MOV10L1: variants seen among roughly 807,000 people sequenced by gnomAD.
The protein encoded by MOV10L1 is Mov10 like RNA helicase 1.
A neutral mutation model predicts 143.8 loss-of-function variants in MOV10L1; 110 were observed. The observed-to-expected ratio is 0.76, with a 90% CI of 0.66 to 0.90. The LOEUF (loss-of-function observed/expected upper bound fraction) is 0.90, where lower values mean the gene tolerates loss of function less well. Among genes scored for constraint, MOV10L1 ranks in the 40% least tolerant of loss-of-function variants. MOV10L1 has a pLI of 0.00. For missense variants in MOV10L1, 1,406 were observed against 1,526.8 expected, an observed-to-expected ratio of 0.92 and a Z score of 1.32; for synonymous variants, 593 against 581.1, an observed-to-expected ratio of 1.02 and a Z score of -0.29.
At chr22:50,116,504 A>C (rs1343461994) in intron 8 of MOV10L1, among the ~76,000 whole-genome samples, 1 of 151,652 alleles carries the variant, frequency 6.6e-6, no homozygotes, top group Non-Finnish European at 1.5e-5. Context: ...ATGTAGCCCC[A>C]GTTAGAGCCA....
At chr22:50,129,930 A>G (rs187343397) in intron 13 of MOV10L1, among the ~76,000 whole-genome samples, 1 of 152,192 alleles carries the variant, frequency 6.6e-6, no homozygotes, top group East Asian at 1.9e-4. Flanking sequence ...ATTCCTTATG[A>G]TAAACTATTC....
chr22:50,096,485 G>A (rs2062591990), intron 2 of MOV10L1: 1 of 152,174 alleles, frequency 6.6e-6, no homozygotes, highest in Non-Finnish European at 1.5e-5. Flanking sequence ...TTCTTTTGGG[G>A]CTACGCCTAG....
chr22:50,090,983 A>T (rs191157522), intron 1 of MOV10L1: 75 of 180,068 alleles, frequency 4.2e-4, no homozygotes, highest in African/African-American at 1.7e-3. Flanking sequence ...ACCTCTCCCG[A>T]GGTTCTGATG....
intron 2 of MOV10L1, among the ~76,000 whole-genome samples, chr22:50,098,605 C>T (rs1437337919): frequency 6.6e-6 from 1 of 152,108 alleles, no homozygotes; most frequent in African/African-American, 2.4e-5. Context: ...GTGCTGGATT[C>T]ATTTATTAGC....
At chr22:50,096,860 T>G (rs2062602632) in intron 2 of MOV10L1, among the ~76,000 whole-genome samples, 1 of 152,194 alleles carries the variant, frequency 6.6e-6, no homozygotes, top group East Asian at 1.9e-4. Flanking sequence ...CTTTATATAT[T>G]CTGGATATTA....
rs563921269 is a variant in MOV10L1 at position 50,150,911 on chromosome 22, A to T, written c.2892+12A>T. The T allele has an allele frequency of 6.2e-7, 1 of 1,613,800 alleles. No individual in the cohort carries two copies. Among genetic ancestry groups the T allele is most frequent in the East Asian group, 2.2e-5 (1 of 44,860 alleles). On this transcript the variant is annotated intron_variant, in intron 21 of 26. Coordinates refer to ENST00000262794, the MANE Select transcript of MOV10L1 (RefSeq NM_018995.3). The stretch of plus-strand genomic sequence containing the variant: ...ATAATCCCCTGTTGGTGAGTCACAG[A>T]CTCCAGCGCGTTCAGGTCCCCAGCT...
rs1050973670 is a variant in MOV10L1, at chr22:50,112,339, C to T, written c.744-1309C>T. ...CGGTGCCAGGAAATAAGACCTGCAC[C>T]TCCTCCCTATGTCTGAGTCGGACTC... is the stretch of plus-strand genomic sequence containing the variant. On this transcript the variant is annotated intron_variant, in intron 5 of 26. Transcript: ENST00000262794. Among the ~76,000 whole-genome samples the T allele has an allele frequency of 3.3e-5, 5 of 152,206 alleles. No individual in the cohort carries two copies. In the South Asian group the frequency reaches 8.3e-4, roughly 25 times the overall value.
intron 13 of MOV10L1, among the ~76,000 whole-genome samples, chr22:50,133,094 T>G (rs1410424895): frequency 6.6e-6 from 1 of 151,842 alleles, no homozygotes; most frequent in East Asian, 1.9e-4. Flanking sequence ...GCTGTGTATT[T>G]GTTTTCCTTG....
chr22:50,160,811 C>T lies in MOV10L1; in HGVS notation c.3448C>T (p.His1150Tyr), dbSNP rs2063540981. The stretch of plus-strand genomic sequence containing the variant: ...TTTGCTGATAGTGCTGGGAAACCCC[C>T]ATGTTCTCGTTCGAGTGAGTTTTCA... Reference protein sequence around the residue: ...KALLIVLGNPHVLVRDPCFGA... With the variant: ...KALLIVLGNPYVLVRDPCFGA... The change falls in exon 25 of 27, where the codon CAT (histidine) becomes TAT (tyrosine). Residue 1150 changes from histidine (H) to tyrosine (Y), a missense_variant. Physicochemically the swap from His to Tyr is moderately conservative, Grantham distance 83 (BLOSUM62 2). Transcript: ENST00000262794. 1.2e-6 allele frequency: 2 copies of T among 1,613,940 alleles called. No homozygotes were observed. The highest frequency in any genetic ancestry group is 8.5e-7 in the Non-Finnish European group (1 of 1,179,996).
chr22:50,131,890 G>A (rs1338852443), intron 13 of MOV10L1, among the ~76,000 whole-genome samples: 3 of 152,194 alleles, frequency 2.0e-5, no homozygotes, highest in African/African-American at 7.2e-5. Flanking sequence ...AGATGGGGTG[G>A]CTTATAAACA....
intron 5 of MOV10L1, among the ~76,000 whole-genome samples, chr22:50,110,026 G>A (rs1301083329): frequency 6.6e-6 from 1 of 152,106 alleles, no homozygotes; most frequent in Non-Finnish European, 1.5e-5. Context: ...GCAGGCACCT[G>A]TAATCCCAGC....
intron 16 of MOV10L1, among the ~76,000 whole-genome samples, chr22:50,142,650 G>A (rs557355599): frequency 6.6e-5 from 10 of 151,186 alleles, no homozygotes; most frequent in African/African-American, 2.2e-4. Context: ...ACAACATGGC[G>A]AAACCTTGTC....
chr22:50,105,537 TC>T (rs1328965955), intron 3 of MOV10L1, among the ~76,000 whole-genome samples: 1 of 152,248 alleles, frequency 6.6e-6, no homozygotes, highest in Non-Finnish European at 1.5e-5. Flanking sequence ...TTTTCCATGT[TC>T]CTGCTCATCA....
chr22:50,097,357 T>C (rs543919594), intron 2 of MOV10L1, among the ~76,000 whole-genome samples: 1 of 152,240 alleles, frequency 6.6e-6, no homozygotes, highest in South Asian at 2.1e-4. Flanking sequence ...GATCCGCCCA[T>C]CCCACGCCTT....
At position 50,099,614 on chromosome 22, in the gene MOV10L1, G is replaced by C. The variant is rs779422667; in HGVS notation, c.442+12G>C. 6.3e-7 allele frequency: 1 copy of C among 1,594,962 alleles called. No individual in the cohort carries two copies. The highest frequency in any genetic ancestry group is 2.3e-5 in the East Asian group (1 of 44,356). On this transcript the variant is annotated intron_variant, in intron 3 of 26. Coordinates refer to ENST00000262794, the MANE Select transcript of MOV10L1 (RefSeq NM_018995.3). ...GAGTGTGTGCGAAGGTATGCTCAGGGGTCTGTGTTCCACATTGAAAATTAG... is the reference window on the plus strand; with the variant it reads ...GAGTGTGTGCGAAGGTATGCTCAGGCGTCTGTGTTCCACATTGAAAATTAG...
At chr22:50,136,289 C>G (rs868467440) in intron 15 of MOV10L1, among the ~76,000 whole-genome samples, 5 of 152,084 alleles carry the variant, frequency 3.3e-5, no homozygotes, top group African/African-American at 1.2e-4. Flanking sequence ...CATGTGAGAT[C>G]AGGGAGGTGT....
intron 20 of MOV10L1, 44 bp from the exon 21 acceptor site, chr22:50,150,691 C>T (rs750241994): frequency 4.4e-6 from 7 of 1,594,768 alleles, no homozygotes; most frequent in East Asian, 2.3e-5. Flanking sequence ...GGAGTGGCAG[C>T]GGCACCCTCC....
At chr22:50,112,237 A>G (rs1211551627) in intron 5 of MOV10L1, among the ~76,000 whole-genome samples, 1 of 152,182 alleles carries the variant, frequency 6.6e-6, no homozygotes, top group African/African-American at 2.4e-5. Context: ...TGTGACGTGC[A>G]CTGCTCCCGC....
In MOV10L1 at chr22:50,158,053, C is replaced by A. The variant is rs769797269; in HGVS notation, c.3067-4C>A. 1.9e-6 allele frequency: 3 copies of A among 1,612,400 alleles called. No homozygotes were observed. Among genetic ancestry groups the A allele is most frequent in the Non-Finnish European group, 2.5e-6 (3 of 1,179,036 alleles). The stretch of plus-strand genomic sequence containing the variant: ...AAGTAGGTTTTCTCTCCTCATCAAC[C>A]CAGGGCAGCGAGGCACGGGAGGGAA... On this transcript the variant is annotated splice_region_variant and splice_polypyrimidine_tract_variant and intron_variant, in intron 22 of 26. Transcript: ENST00000262794. This position sits in a 1 kb window ranked among gnomAD's most constrained non-coding sequence, Gnocchi z 5.0.
Sources: gnomAD v4.1 joint callset for allele counts (sites outside exome capture counted in the v4.1 genomes callset) on GRCh38, gnomAD v4.1.1 for gene constraint, Gnocchi (gnomAD v3.1) non-coding constraint, MANE v1.5 for transcripts, NCBI Gene and HGNC (gene_info 2026-07-23, HGNC 2026-07-21) for gene names.